MROH1: variants seen among roughly 807,000 people sequenced by gnomAD.
The protein encoded by MROH1 is maestro heat like repeat family member 1, also known as maestro heat-like repeat-containing protein family member 1.
Under a neutral mutation model 116.5 loss-of-function variants are expected in MROH1, and 117 were observed. The observed-to-expected ratio is 1.00, with a 90% CI of 0.86 to 1.17. MROH1 has a LOEUF of 1.17. Ranked by LOEUF, MROH1 falls within the 50% of genes most tolerant of loss-of-function variation. The pLI is 0.00. For synonymous variants in MROH1, 921 were observed against 583.9 expected (o/e 1.58, Z -8.32); for missense variants, 1,873 against 1,338.5 (o/e 1.40, Z -6.23).
intron 35 of MROH1, among the ~76,000 whole-genome samples, chr8:144,257,494 C>T (rs1372406565): frequency 2.0e-5 from 3 of 152,212 alleles, no homozygotes; most frequent in African/African-American, 7.2e-5. Context: ...TTCCTGCCGG[C>T]ATCACCAGCC....
chr8:144,157,677 C>CTTTTTTTTTTTTTTTTTTTTTTTT (rs1164415639), intron 1 of MROH1, among the ~76,000 whole-genome samples: 13 of 117,912 alleles, frequency 1.1e-4, no homozygotes, highest in Admixed American at 1.7e-4. Flanking sequence ...TTCTTTCTTT[C>CTTTTTTTTTTTTTTTTTTTTTTTT]TTTTTTTTTT....
In MROH1 at chr8:144,153,489, G is replaced by A. The variant is rs1039618118; in HGVS notation, c.-177+5413G>A. Reference sequence around the variant, plus strand: ...TGGGATTACAGGTGTGAGCCACTGCGCCCAGCCTCCTTTTTTAAGACTGAA... The same window carrying A: ...TGGGATTACAGGTGTGAGCCACTGCACCCAGCCTCCTTTTTTAAGACTGAA... On this transcript the variant is annotated intron_variant, in intron 1 of 43. Coordinates refer to ENST00000326134, the MANE Select transcript of MROH1 (RefSeq NM_032450.3). Among the ~76,000 whole-genome samples the A allele has an allele frequency of 5.3e-5, 8 of 152,232 alleles. No individual in the cohort carries two copies. In the East Asian group the frequency reaches 5.8e-4, roughly 11 times the overall value.
At chr8:144,231,927 C>T (rs782688785) in intron 14 of MROH1, among the ~76,000 whole-genome samples, 2 of 152,172 alleles carry the variant, frequency 1.3e-5, no homozygotes, top group Non-Finnish European at 2.9e-5. Context: ...TACATATACT[C>T]GGGGTACCTG....
At chr8:144,220,779 C>A in intron 13 of MROH1, 106 bp downstream of exon 13, 1 of 892,726 alleles carries the variant, frequency 1.1e-6, no homozygotes, top group Admixed American at 2.3e-5. Flanking sequence ...GGCCACCACC[C>A]TTGGCTGGAC....
At position 144,259,296 on chromosome 8, in the gene MROH1, GCA is replaced by G; in HGVS notation, c.3993_3994del (p.His1331GlnfsTer5). 2.8e-6 allele frequency: 2 copies of G among 715,068 alleles called. No homozygotes were observed. The highest frequency in any genetic ancestry group is 2.6e-6 in the Non-Finnish European group (1 of 384,886). The allele number at this position is 715,068 out of a possible 1,614,324, so 44.3% of individuals were successfully genotyped here. On this transcript the variant is annotated frameshift_variant, in exon 37 of 44. Transcript: ENST00000326134. LOFTEE classifies it high-confidence loss of function. ...CCCCTGGTGCTGAAGACGCTGGCAT[GCA>G]CACACAGCAGTGCGTATGAGAACCA... is the stretch of plus-strand genomic sequence containing the variant.
intron 23 of MROH1, 25 bp from the exon 24 acceptor site, chr8:144,242,577 A>G: frequency 1.3e-6 from 1 of 780,276 alleles, no homozygotes; most frequent in Admixed American, 1.7e-5. Flanking sequence ...TCACGTCTTA[A>G]CTCATTTCAC....
intron 20 of MROH1, 117 bp downstream of exon 20, chr8:144,240,794 T>C: frequency 1.5e-6 from 1 of 686,382 alleles, no homozygotes; most frequent in South Asian, 1.6e-5. Flanking sequence ...TGGCAGAGCC[T>C]CCTTGTGGTG....
At chr8:144,256,202 T>C (rs566939124) in intron 35 of MROH1, among the ~76,000 whole-genome samples, 12 of 152,230 alleles carry the variant, frequency 7.9e-5, no homozygotes, top group Admixed American at 3.9e-4. Flanking sequence ...CCTGGGGCCA[T>C]AGCACAGACA....
rs542608096 is a variant in MROH1, at chr8:144,173,892, G to A, written c.168+5452G>A. Among the ~76,000 whole-genome samples, 13 of 152,272 alleles carry A rather than the reference G, an allele frequency of 8.5e-5. No homozygotes were observed. The South Asian group carries it at 2.7e-3, about 32-fold the overall frequency. ...GAAGAATGAGGATACAGTGGACATT[G>A]AAGGGTGAGGAGGGCAGAGAAGAAT... On this transcript the variant is annotated intron_variant, in intron 4 of 43. Transcript: ENST00000326134.
chr8:144,255,946 G>A (rs975936356), intron 35 of MROH1, among the ~76,000 whole-genome samples: 29 of 152,360 alleles, frequency 1.9e-4, no homozygotes, highest in Non-Finnish European at 2.5e-4. Context: ...CGGTCTGCAC[G>A]GTGGTGCTGA....
chr8:144,172,516 A>G (rs1822745124), intron 4 of MROH1, among the ~76,000 whole-genome samples: 1 of 150,172 alleles, frequency 6.7e-6, no homozygotes, highest in African/African-American at 2.5e-5. Flanking sequence ...GGTTCAAGCG[A>G]TTCTCCTGCC....
At chr8:144,259,721 G>A (rs1326393410) in intron 37 of MROH1, among the ~76,000 whole-genome samples, 190 bp from the exon 38 acceptor site, 1 of 152,244 alleles carries the variant, frequency 6.6e-6, no homozygotes, top group Non-Finnish European at 1.5e-5. Flanking sequence ...GCAGAGCACA[G>A]CGGGCGTCAG....
intron 1 of MROH1, among the ~76,000 whole-genome samples, chr8:144,150,022 G>A (rs1424723097): frequency 6.6e-6 from 1 of 152,124 alleles, no homozygotes; most frequent in Non-Finnish European, 1.5e-5. Flanking sequence ...CAGTCTCCCT[G>A]CACACACCCA....
At position 144,223,197 on chromosome 8, in the gene MROH1, C is replaced by G. The variant is rs548280630; in HGVS notation, c.1305C>G (p.Ile435Met). ...GAGGTGAGGCGATGATCGAGTACAT[C>G]GTGCAGCAGTGCGCGCTGCCCCCCG... The part of the protein sequence containing the change: ...QPGGEAMIEY[I>M]VQQCALPPEQ... Residue 435 changes from isoleucine (I) to methionine (M), a missense_variant, in exon 14 of 44, where the codon ATC (isoleucine) becomes ATG (methionine). Coordinates refer to ENST00000326134, the MANE Select transcript of MROH1 (RefSeq NM_032450.3). 5.6e-6 allele frequency: 9 copies of G among 1,610,948 alleles called. No homozygotes were observed. The South Asian group carries it at 9.9e-5, about 18-fold the overall frequency.
chr8:144,234,709 G>C (rs1293982339), intron 14 of MROH1, among the ~76,000 whole-genome samples: 1 of 146,702 alleles, frequency 6.8e-6, no homozygotes, highest in Non-Finnish European at 1.5e-5. Context: ...GTAAAAATGG[G>C]GTTTCACCAT....
At chr8:144,175,400 T>C (rs997248743) in intron 4 of MROH1, 2 of 749,690 alleles carry the variant, frequency 2.7e-6, no homozygotes, top group Non-Finnish European at 3.3e-6. Flanking sequence ...GCCCACTTGC[T>C]GTACCCAAGC....
chr8:144,175,355 C>T, intron 4 of MROH1: 1 of 449,600 alleles, frequency 2.2e-6, no homozygotes, highest in Non-Finnish European at 2.9e-6. Context: ...CCCTCCCCCC[C>T]TCCCAGCAAC....
At chr8:144,177,677 G>A (rs1351265628) in intron 4 of MROH1, among the ~76,000 whole-genome samples, 1 of 152,158 alleles carries the variant, frequency 6.6e-6, no homozygotes, top group Non-Finnish European at 1.5e-5. Flanking sequence ...CTGGAGGTGG[G>A]GCCTGGTGGG....
chr8:144,242,609 G>A lies in MROH1; in HGVS notation c.2333G>A (p.Gly778Glu). 1.3e-6 allele frequency: 1 copy of A among 780,228 alleles called. No homozygotes were observed. The highest frequency in any genetic ancestry group is 1.3e-5 in the South Asian group (1 of 74,564). The allele number at this position is 780,228 out of a possible 1,614,324, so 48.3% of individuals were successfully genotyped here. ...ICQHFSTKVL[G>E]IKVETKDPAL... ...TCACTTTTTGTTGTTCAGGTTCTAG[G>A]AATAAAGGTAGAAACCAAGGTACAG... Residue 778 changes from glycine to glutamate, a missense_variant, in exon 24 of 44, where the codon GGA becomes GAA. Gly to Glu is a moderately conservative substitution (Grantham distance 98, BLOSUM62 -2). Coordinates refer to ENST00000326134, the MANE Select transcript of MROH1 (RefSeq NM_032450.3).
Sources: allele counts gnomAD v4.1 joint callset (sites outside exome capture counted in the v4.1 genomes callset), GRCh38; gene constraint gnomAD v4.1.1; transcripts MANE v1.5; gene names NCBI Gene and HGNC (gene_info 2026-07-23, HGNC 2026-07-21).